The following SLIT2 variants were observed in gnomAD, a reference collection of about 807,000 sequenced individuals.
SLIT2 encodes the protein slit homolog 2 protein.
A neutral mutation model predicts 185.7 loss-of-function variants in SLIT2; 41 were observed. The ratio of observed to expected loss-of-function variants is 0.22; its 90% CI spans 0.17 to 0.29. SLIT2 has a LOEUF of 0.29. Among genes scored for constraint, SLIT2 ranks in the 10% least tolerant of loss-of-function variants. The pLI, the probability that SLIT2 is intolerant of heterozygous loss-of-function variation, is 1.00. For synonymous variants in SLIT2, 693 were observed against 680.2 expected (o/e 1.02, Z -0.29); for missense variants, 1,571 against 1,909.0 (o/e 0.82, Z 3.30).
intron 30 of SLIT2, among the ~76,000 whole-genome samples, chr4:20,594,110 TATATATACACATGTGCATATATATAC>T (rs1329423627): frequency 1.1e-4 from 17 of 149,238 alleles, no homozygotes; most frequent in Admixed American, 1.3e-4. Flanking sequence ...TATATACACA[TATATATACACATGTGCATATATATAC>T]ATATATACAC....
chr4:20,539,111 A>G (rs572148717), intron 18 of SLIT2, among the ~76,000 whole-genome samples: 33 of 152,304 alleles, frequency 2.2e-4, no homozygotes, highest in African/African-American at 7.5e-4. Context: ...GAGGACTCAG[A>G]GAGCTGTAGG....
intron 4 of SLIT2, among the ~76,000 whole-genome samples, chr4:20,354,877 G>A (rs1370265993): frequency 7.4e-6 from 1 of 135,174 alleles, no homozygotes; most frequent in Non-Finnish European, 1.6e-5. Context: ...GACACGTGTG[G>A]CAAGTCTGCG....
At chr4:20,411,195 A>G (rs1727233689) in intron 4 of SLIT2, among the ~76,000 whole-genome samples, 1 of 152,176 alleles carries the variant, frequency 6.6e-6, no homozygotes, top group Non-Finnish European at 1.5e-5. Context: ...GTTTTGAAGC[A>G]CTGGCTTCCT....
Position 20,253,896 on chromosome 4 carries a change from G to T in SLIT2, c.81G>T (p.Ala27=). 6.2e-7 allele frequency: 1 copy of T among 1,601,646 alleles called. No individual in the cohort carries two copies. Among genetic ancestry groups the T allele is most frequent in the Non-Finnish European group, 8.5e-7 (1 of 1,179,922 alleles). The change falls in exon 1 of 37, where the codon GCG becomes GCT. Residue 27 remains alanine, a synonymous_variant. Transcript: ENST00000504154. ...TCCTGAACAAGGTGGCACCGCAGGCGTGCCCGGCGCAGTGCTCTTGCTCGG... is the reference window on the plus strand; with the variant it reads ...TCCTGAACAAGGTGGCACCGCAGGCTTGCCCGGCGCAGTGCTCTTGCTCGG... ...LAILNKVAPQ[A]CPAQCSCSGS... is the part of the protein sequence containing the mutation.
rs1164176251 is a variant in SLIT2, at chr4:20,271,491, T to A, written c.395+2610T>A. Among the ~76,000 whole-genome samples the A allele has an allele frequency of 4.5e-5, 4 of 89,820 alleles. No individual in the cohort carries two copies. The East Asian group carries it at 8.5e-4, about 19-fold the overall frequency. 58.9% of individuals were successfully genotyped at this position (89,820 alleles called of 152,430 possible). ...TTTATATATAATTTATATTTATATA[T>A]TATATATATATATATAGCAAGCCAT... On this transcript the variant is annotated intron_variant, in intron 4 of 36. Transcript: ENST00000504154.
chr4:20,604,940 A>G, intron 33 of SLIT2, among the ~76,000 whole-genome samples: 1 of 151,594 alleles, frequency 6.6e-6, no homozygotes, highest in African/African-American at 2.4e-5. Context: ...GGTTCAAGCG[A>G]TTCTCCTGCC....
intron 29 of SLIT2, among the ~76,000 whole-genome samples, chr4:20,589,188 G>T (rs1321568072): frequency 2.0e-5 from 3 of 152,124 alleles, no homozygotes; most frequent in Non-Finnish European, 4.4e-5. Flanking sequence ...CAGGGACCGG[G>T]GGGAAGGCTT....
At chr4:20,282,102 A>C (rs1714832806) in intron 4 of SLIT2, among the ~76,000 whole-genome samples, 1 of 152,220 alleles carries the variant, frequency 6.6e-6, no homozygotes, top group African/African-American at 2.4e-5. Flanking sequence ...AGTAAATGTG[A>C]CAGAGGGGTA....
intron 4 of SLIT2, among the ~76,000 whole-genome samples, chr4:20,364,757 A>G (rs1347671650): frequency 1.3e-5 from 2 of 152,118 alleles, no homozygotes; most frequent in African/African-American, 4.8e-5. Flanking sequence ...CCAATTCTTA[A>G]CTTTTAAAAT....
intron 17 of SLIT2, 35 bp from the exon 18 acceptor site, chr4:20,533,537 T>A: frequency 6.6e-7 from 1 of 1,513,694 alleles, no homozygotes. Flanking sequence ...TGTTAGAAAT[T>A]ATTTAAAACC....
At chr4:20,297,559 A>G (rs74466528) in intron 4 of SLIT2, among the ~76,000 whole-genome samples, 4,054 of 152,244 alleles carry the variant, frequency 0.027, 177 homozygotes, top group African/African-American at 0.093. Context: ...GAAAATCGTA[A>G]TTTTTTGATT....
At chr4:20,550,788 A>G in intron 24 of SLIT2, 39 bp from the exon 25 acceptor site, 1 of 1,315,542 alleles carries the variant, frequency 7.6e-7, no homozygotes, top group Non-Finnish European at 1.1e-6. Flanking sequence ...ATGAGTTCAG[A>G]AATATAGGAA....
chr4:20,499,359 C>T (rs1399104798), intron 9 of SLIT2, among the ~76,000 whole-genome samples: 1 of 152,066 alleles, frequency 6.6e-6, no homozygotes, highest in Non-Finnish European at 1.5e-5. Flanking sequence ...AGATAACTAC[C>T]TCCCATATAC....
chr4:20,436,020 GC>G (rs1310198944), intron 4 of SLIT2, among the ~76,000 whole-genome samples: 1 of 152,194 alleles, frequency 6.6e-6, no homozygotes, highest in African/African-American at 2.4e-5. Flanking sequence ...CTTGTACCAG[GC>G]TATGTGCCAT....
chr4:20,557,060 AAG>A (rs764355242), intron 26 of SLIT2, among the ~76,000 whole-genome samples: 2 of 152,076 alleles, frequency 1.3e-5, no homozygotes, highest in Non-Finnish European at 2.9e-5. Flanking sequence ...TGTAGAAGAA[AAG>A]TTGGAAGCTA....
chr4:20,347,061 C>G (rs760443197), intron 4 of SLIT2, among the ~76,000 whole-genome samples: 1 of 152,140 alleles, frequency 6.6e-6, no homozygotes, highest in Non-Finnish European at 1.5e-5. Flanking sequence ...GTTGACACTC[C>G]GTATTAACCA....
At chr4:20,344,071 G>A (rs1220690092) in intron 4 of SLIT2, among the ~76,000 whole-genome samples, 2 of 152,056 alleles carry the variant, frequency 1.3e-5, no homozygotes, top group African/African-American at 4.8e-5. Flanking sequence ...GGATGGTCTC[G>A]ATCTCCTGAC....
chr4:20,574,799 A>C (rs1277041831), intron 29 of SLIT2, among the ~76,000 whole-genome samples: 3 of 151,912 alleles, frequency 2.0e-5, no homozygotes, highest in Admixed American at 6.6e-5. Flanking sequence ...AAAAAAAAAA[A>C]AAAAAAAACA....
At chr4:20,307,259 C>G (rs1186936611) in intron 4 of SLIT2, among the ~76,000 whole-genome samples, 1 of 144,128 alleles carries the variant, frequency 6.9e-6, no homozygotes, top group African/African-American at 2.6e-5. Flanking sequence ...TCCTTCCTTC[C>G]TTCCTTCCTT....
Sources: allele counts gnomAD v4.1 joint callset (sites outside exome capture counted in the v4.1 genomes callset), GRCh38; gene constraint gnomAD v4.1.1; transcripts MANE v1.5; gene names NCBI Gene and HGNC (gene_info 2026-07-23, HGNC 2026-07-21).